The following BEND5 variants were observed in gnomAD, a reference collection of about 807,000 sequenced individuals.
BEND5 encodes the protein BEN domain containing 5, also known as BEN domain-containing protein 5.
A neutral mutation model predicts 43.9 loss-of-function variants in BEND5; 22 were observed. That is an observed-to-expected ratio of 0.50 (90% CI 0.36 to 0.72). The LOEUF is 0.72. Ranked by LOEUF, BEND5 falls within the 30% of genes least tolerant of loss-of-function variation. The pLI, the probability that BEND5 is intolerant of heterozygous loss-of-function variation, is 0.00. For missense variants in BEND5, 428 were observed against 550.6 expected (o/e 0.78, Z 2.23); for synonymous variants, 228 against 225.9 (o/e 1.01, Z -0.08).
At chr1:48,743,208 T>G (rs1023281114) in intron 3 of BEND5, among the ~76,000 whole-genome samples, 11 of 152,158 alleles carry the variant, frequency 7.2e-5, no homozygotes, top group African/African-American at 2.4e-4. Flanking sequence ...TAGGAAAGTG[T>G]GGGCAAAAAT....
chr1:48,735,865 A>G (rs193137360), intron 5 of BEND5, among the ~76,000 whole-genome samples: 2 of 152,032 alleles, frequency 1.3e-5, no homozygotes, highest in African/African-American at 4.8e-5. Flanking sequence ...ATACCTCACC[A>G]TACACATCTG....
rs762007782 is a variant in BEND5, at chr1:48,759,106, C to T, written c.539G>A (p.Arg180Gln). The T allele has an allele frequency of 5.6e-6, 9 of 1,611,620 alleles. No individual in the cohort carries two copies. Among genetic ancestry groups the T allele is most frequent in the South Asian group, 4.4e-5 (4 of 90,652 alleles). Residue 180 changes from arginine to glutamine, a missense_variant, in exon 3 of 6, where the codon CGG becomes CAG. Arg to Gln is a conservative substitution (Grantham distance 43). Coordinates refer to ENST00000371833, the MANE Select transcript of BEND5 (RefSeq NM_024603.4). ...GCGCAGCAGCTCCTCATACAGAGCCCGGGGCACCACAGCATCTTCTAGACT... is the reference window on the plus strand; with the variant it reads ...GCGCAGCAGCTCCTCATACAGAGCCTGGGGCACCACAGCATCTTCTAGACT... ...MDSLEDAVVP[R>Q]ALYEELLRNY...
Position 48,776,625 on chromosome 1 carries a change from G to C in BEND5, c.207C>G (p.Ala69=). Residue 69 remains alanine, a synonymous_variant, in exon 1 of 6, where the codon GCC becomes GCG. Coordinates refer to ENST00000371833, the MANE Select transcript of BEND5 (RefSeq NM_024603.4). ...GCTCACCTGCCAGCGCCAGGATCTG[G>C]GCCTTGTGGAGCAACAGCGCGCCCC... The part of the protein sequence containing the change: ...RDWGALLLHK[A]QILALAEDKS... 1 of 1,472,638 alleles carries C rather than the reference G, an allele frequency of 6.8e-7. No individual in the cohort carries two copies. The allele number at this position is 1,472,638 out of a possible 1,614,324, so 91.2% of individuals were successfully genotyped here. A position where few individuals can be genotyped will look rare whatever the true frequency, so the allele number is the denominator to read the frequency against.
At chr1:48,749,659 G>T (rs1651345519) in intron 3 of BEND5, among the ~76,000 whole-genome samples, 1 of 152,152 alleles carries the variant, frequency 6.6e-6, no homozygotes, top group Non-Finnish European at 1.5e-5. Context: ...TCTGTGAAAA[G>T]CCCCACAATC....
intron 4 of BEND5, among the ~76,000 whole-genome samples, chr1:48,741,100 GC>G (rs1206777041): frequency 6.6e-6 from 1 of 152,156 alleles, no homozygotes; most frequent in Non-Finnish European, 1.5e-5. Flanking sequence ...CTATCCATCA[GC>G]CTTCAAGGCA....
intron 1 of BEND5, among the ~76,000 whole-genome samples, chr1:48,767,875 C>T (rs1487150335): frequency 2.6e-5 from 4 of 152,206 alleles, no homozygotes; most frequent in African/African-American, 7.2e-5. Context: ...CTAGCTACTA[C>T]AATGTCAGCT....
chr1:48,742,593 A>G, intron 4 of BEND5, 30 bp downstream of exon 4: 1 of 1,492,924 alleles, frequency 6.7e-7, no homozygotes, highest in Non-Finnish European at 9.0e-7. Context: ...AAACACTTGC[A>G]GGGAATGGAT....
chr1:48,737,955 C>T (rs1649327214), intron 4 of BEND5, among the ~76,000 whole-genome samples: 1 of 152,136 alleles, frequency 6.6e-6, no homozygotes. Flanking sequence ...TTCAGAAAGG[C>T]CTGCAGTTTG....
intron 1 of BEND5, among the ~76,000 whole-genome samples, chr1:48,772,482 G>A (rs960405201): frequency 5.9e-5 from 9 of 152,258 alleles, no homozygotes; most frequent in South Asian, 2.1e-4. Context: ...AAAGGAGTGC[G>A]AGAGAGTGTG....
chr1:48,770,947 C>G (rs1644793819), intron 1 of BEND5, among the ~76,000 whole-genome samples: 1 of 152,226 alleles, frequency 6.6e-6, no homozygotes, highest in South Asian at 2.1e-4. Flanking sequence ...ACTTAGCCCA[C>G]TGCCTGGCAC....
chr1:48,758,943 A>G lies in BEND5; in HGVS notation c.702T>C (p.Leu234=), dbSNP rs768199056. The part of the protein sequence containing the change: ...LVSEMKELRD[L]NRRLQDVLLL... The stretch of plus-strand genomic sequence containing the variant: ...GCAGCACGTCCTGGAGCCTCCGGTT[A>G]AGGTCACGGAGCTCCTTCATTTCAG... Residue 234 remains leucine (L), a synonymous_variant, in exon 3 of 6, where the codon CTT becomes CTC. Transcript: ENST00000371833. The G allele has an allele frequency of 6.3e-7, 1 of 1,586,280 alleles. No homozygotes were observed. The highest frequency in any genetic ancestry group is 1.2e-5 in the South Asian group (1 of 86,582).
At position 48,727,798 on chromosome 1, in the gene BEND5, A is replaced by C; in HGVS notation, c.*88T>G. 1 of 1,314,398 alleles carries C rather than the reference A, an allele frequency of 7.6e-7. No homozygotes were observed. The highest frequency in any genetic ancestry group is 1.1e-6 in the Non-Finnish European group (1 of 932,988). 81.4% of individuals were successfully genotyped at this position (1,314,398 alleles called of 1,614,324 possible). A position where few individuals can be genotyped will look rare whatever the true frequency, so the allele number is the denominator to read the frequency against. On this transcript the variant is annotated 3_prime_UTR_variant, in exon 6 of 6. Transcript: ENST00000371833. ...GATCCCTGCACACACACCACCATGC[A>C]CGGTGGGGTCTGATTTGGACGGCAC...
intron 4 of BEND5, among the ~76,000 whole-genome samples, chr1:48,739,302 T>C (rs1168436262): frequency 6.6e-6 from 1 of 152,252 alleles, no homozygotes; most frequent in Non-Finnish European, 1.5e-5. Flanking sequence ...TTTGACTAGA[T>C]GACTTCTGCA....
intron 3 of BEND5, among the ~76,000 whole-genome samples, chr1:48,745,774 G>A (rs1650638528): frequency 6.6e-6 from 1 of 152,122 alleles, no homozygotes; most frequent in African/African-American, 2.4e-5. Context: ...CAAATACTGG[G>A]TTTAAGTACT....
Position 48,736,243 on chromosome 1 carries a change from G to A in BEND5, c.1104C>T (p.Val368=). The A allele has an allele frequency of 6.2e-7, 1 of 1,613,884 alleles. No homozygotes were observed. Among genetic ancestry groups the A allele is most frequent in the Non-Finnish European group, 8.5e-7 (1 of 1,179,780 alleles). The change falls in exon 5 of 6, where the codon GTC becomes GTT. Residue 368 remains valine (V), a synonymous_variant. Transcript: ENST00000371833. This position sits in a 1 kb window ranked among gnomAD's most constrained non-coding sequence, Gnocchi z 4.0. ...PPLSPHKLSI[V]RECLYDRIAQ... ...TGTTTCCACTCAGTGACCTACCTCT[G>A]ACGATGCTTAGTTTGTGAGGCGAGA...
rs780057963 is a variant in BEND5 at position 48,759,261 on chromosome 1, G to A, written c.384C>T (p.Ser128=). ...CCTCGATGCTCTTGTGCGCCACTTCGCTCGGCTTCCGCCCCTCAGGTCTCT... is the reference window on the plus strand; with the variant it reads ...CCTCGATGCTCTTGTGCGCCACTTCACTCGGCTTCCGCCCCTCAGGTCTCT... ...HIKRPEGRKP[S]EVAHKSIEAV... Residue 128 remains serine (S), a synonymous_variant, in exon 3 of 6, where the codon AGC becomes AGT. Coordinates refer to ENST00000371833, the MANE Select transcript of BEND5 (RefSeq NM_024603.4). 2.0e-5 allele frequency: 32 copies of A among 1,565,608 alleles called. No individual in the cohort carries two copies. Among genetic ancestry groups the A allele is most frequent in the Non-Finnish European group, 2.6e-5 (30 of 1,155,076 alleles).
chr1:48,736,496 G>A lies in BEND5; in HGVS notation c.895-44C>T. On this transcript the variant is annotated intron_variant, in intron 4 of 5. Transcript: ENST00000371833. This position sits in a 1 kb window ranked among gnomAD's most constrained non-coding sequence, Gnocchi z 4.0. Reference sequence around the variant, plus strand: ...CCAGCACCTGTTTAGTCCGACAGGAGGGCAGTGGGAGGCTTCTCTTGTCCT... The same window carrying A: ...CCAGCACCTGTTTAGTCCGACAGGAAGGCAGTGGGAGGCTTCTCTTGTCCT... The A allele has an allele frequency of 1.3e-6, 2 of 1,556,734 alleles. No individual in the cohort carries two copies. The highest frequency in any genetic ancestry group is 1.8e-6 in the Non-Finnish European group (2 of 1,130,526).
chr1:48,728,505 A>T, intron 5 of BEND5, among the ~76,000 whole-genome samples: 2 of 146,192 alleles, frequency 1.4e-5, no homozygotes, highest in African/African-American at 2.5e-5. Flanking sequence ...TTTTACTCAA[A>T]TGTTATAGTT....
intron 3 of BEND5, 122 bp downstream of exon 3, chr1:48,758,778 G>C: frequency 3.6e-6 from 3 of 845,028 alleles, no homozygotes; most frequent in South Asian, 4.9e-5. Context: ...GGTAAGCCAA[G>C]AGTCTGTCCT....
Sources: gnomAD v4.1 joint callset for allele counts (sites outside exome capture counted in the v4.1 genomes callset) on GRCh38, gnomAD v4.1.1 for gene constraint, Gnocchi (gnomAD v3.1) non-coding constraint, MANE v1.5 for transcripts, NCBI Gene and HGNC (gene_info 2026-07-23, HGNC 2026-07-21) for gene names.